The following GDAP1 variants were observed in gnomAD, a reference collection of about 807,000 sequenced individuals.
The protein encoded by GDAP1 is ganglioside-induced differentiation-associated protein 1.
GDAP1 carries 34 observed loss-of-function variants against 40.1 expected under a neutral mutation model. That is an observed-to-expected ratio of 0.85 (90% CI 0.64 to 1.13). The LOEUF (loss-of-function observed/expected upper bound fraction) is 1.13. Among genes scored for constraint, GDAP1 ranks in the 50% most tolerant of loss-of-function variants. GDAP1 has a pLI of 0.00. For missense variants in GDAP1, 374 were observed against 433.7 expected (o/e 0.86, Z 1.22); for synonymous variants, 170 against 157.4 (o/e 1.08, Z -0.60).
At chr8:74,464,718 A>G (rs892017509) in intron 2 of GDAP1, among the ~76,000 whole-genome samples, 1 of 152,184 alleles carries the variant, frequency 6.6e-6, no homozygotes, top group Non-Finnish European at 1.5e-5. Context: ...GAGTATTGCT[A>G]GAGATAAGAA....
intron 2 of GDAP1, among the ~76,000 whole-genome samples, chr8:74,390,840 C>T (rs550295821): frequency 5.9e-5 from 9 of 152,198 alleles, no homozygotes; most frequent in African/African-American, 1.4e-4. Context: ...TCTATAAGCC[C>T]GTTACTGGGG....
At chr8:74,473,301 T>C (rs1188971463) in intron 2 of GDAP1, among the ~76,000 whole-genome samples, 1 of 152,196 alleles carries the variant, frequency 6.6e-6, no homozygotes, top group African/African-American at 2.4e-5. Context: ...TTAGTTTAAT[T>C]AGATACCATT....
At position 74,364,019 on chromosome 8, in the gene GDAP1, C is replaced by T. The variant is rs1218677664; in HGVS notation, c.729C>T (p.Ser243=). 1 of 1,613,722 alleles carries T rather than the reference C, an allele frequency of 6.2e-7. No individual in the cohort carries two copies. Among genetic ancestry groups the T allele is most frequent in the Middle Eastern group, 1.6e-4 (1 of 6,062 alleles). Residue 243 remains serine (S), a synonymous_variant, in exon 6 of 6, where the codon TCC becomes TCT. Transcript: ENST00000220822. ...EGQQPWLCGE[S]FTLADVSLAV... ...AGCAACCTTGGCTCTGCGGTGAATCCTTCACCCTGGCAGACGTCTCACTCG... is the reference window on the plus strand; with the variant it reads ...AGCAACCTTGGCTCTGCGGTGAATCTTTCACCCTGGCAGACGTCTCACTCG...
intron 2 of GDAP1, among the ~76,000 whole-genome samples, chr8:74,462,497 C>T (rs1488072809): frequency 5.3e-5 from 8 of 152,182 alleles, no homozygotes; most frequent in Non-Finnish European, 1.2e-4. Context: ...AAAAATCGTT[C>T]ATTCCAGCTG....
intron 2 of GDAP1, among the ~76,000 whole-genome samples, chr8:74,425,364 C>CATTTAGCTGGGGTGGG: frequency 6.6e-6 from 1 of 152,140 alleles, no homozygotes. Flanking sequence ...AATGATGGTT[C>CATTTAGCTGGGGTGGG]ATTTAGCTGG....
chr8:74,391,325 A>T (rs1306531044), intron 2 of GDAP1, among the ~76,000 whole-genome samples: 1 of 152,030 alleles, frequency 6.6e-6, no homozygotes, highest in Admixed American at 6.5e-5. Context: ...CATCTGAGGG[A>T]TTCTCTTCAT....
At chr8:74,414,836 A>G (rs1225711966) in intron 2 of GDAP1, among the ~76,000 whole-genome samples, 2 of 149,976 alleles carry the variant, frequency 1.3e-5, no homozygotes, top group Admixed American at 6.6e-5. Context: ...AAGAAACTCC[A>G]TGAACCCCAA....
intron 2 of GDAP1, among the ~76,000 whole-genome samples, chr8:74,428,862 G>A (rs28493987): frequency 7.1e-5 from 8 of 112,962 alleles, no homozygotes; most frequent in South Asian, 6.8e-4. Flanking sequence ...ATCCCTCCCC[G>A]CCTCCCCCGA....
rs535407407 is a variant in GDAP1, at chr8:74,362,896, G to A, written c.580-43G>A. 18 of 787,280 alleles carry A rather than the reference G, an allele frequency of 2.3e-5. No homozygotes were observed. The South Asian group carries it at 2.4e-4, about 10-fold the overall frequency. 48.8% of individuals were successfully genotyped at this position (787,280 alleles called of 1,614,324 possible). On this transcript the variant is annotated intron_variant, in intron 4 of 5. Transcript: ENST00000220822. ...TTACCTAGATTTATTTTTTTTAAAG[G>A]TGCAAATAATATGTTTGGTTTCTTT...
intron 2 of GDAP1, among the ~76,000 whole-genome samples, chr8:74,354,227 C>T (rs1179366573): frequency 6.6e-6 from 1 of 152,152 alleles, no homozygotes; most frequent in African/African-American, 2.4e-5. Flanking sequence ...TTGAATTGTA[C>T]ACCACTGTAA....
intron 2 of GDAP1, among the ~76,000 whole-genome samples, chr8:74,356,127 C>G (rs953833476): frequency 1.1e-4 from 16 of 152,078 alleles, no homozygotes; most frequent in Non-Finnish European, 8.8e-5. Context: ...AGCACATATA[C>G]TGAAATTGCA....
At chr8:74,392,217 G>T (rs1470674779) in intron 2 of GDAP1, among the ~76,000 whole-genome samples, 1 of 152,144 alleles carries the variant, frequency 6.6e-6, no homozygotes, top group Non-Finnish European at 1.5e-5. Flanking sequence ...CTACCACTGT[G>T]TAACCTTACT....
chr8:74,474,173 CA>C (rs796234537), intron 2 of GDAP1, among the ~76,000 whole-genome samples: 41 of 152,264 alleles, frequency 2.7e-4, no homozygotes, highest in African/African-American at 9.1e-4. Flanking sequence ...AGTTTTTTAT[CA>C]GCTTTAGGAG....
chr8:74,410,029 G>A (rs948322815), intron 2 of GDAP1, among the ~76,000 whole-genome samples: 1 of 150,040 alleles, frequency 6.7e-6, no homozygotes, highest in African/African-American at 2.5e-5. Flanking sequence ...AACCCCTGGT[G>A]TTTCAGTAAC....
intron 2 of GDAP1, among the ~76,000 whole-genome samples, chr8:74,401,864 C>T (rs1275116891): frequency 6.7e-6 from 1 of 150,028 alleles, no homozygotes; most frequent in Non-Finnish European, 1.5e-5. Context: ...GTCTGCAGAA[C>T]AGCGGATTTT....
intron 2 of GDAP1, among the ~76,000 whole-genome samples, chr8:74,459,070 T>G (rs373771312): frequency 3.9e-5 from 6 of 152,288 alleles, no homozygotes; most frequent in African/African-American, 1.4e-4. Context: ...TAACTGGGTC[T>G]GATAGTGAAT....
intron 2 of GDAP1, among the ~76,000 whole-genome samples, chr8:74,404,988 A>C (rs11997090): frequency 0.49 from 73,232 of 149,424 alleles, 19,201 homozygotes; most frequent in Middle Eastern, 0.56. Context: ...ATACAATGTA[A>C]ATTATATTAT....
intron 2 of GDAP1, among the ~76,000 whole-genome samples, chr8:74,479,408 G>A (rs942551792): frequency 1.7e-4 from 26 of 151,810 alleles, no homozygotes; most frequent in African/African-American, 6.1e-4. Context: ...ACTGAGAAGT[G>A]GAAATTAAAA....
chr8:74,465,777 G>GT (rs34707830), intron 2 of GDAP1, among the ~76,000 whole-genome samples: 104 of 145,376 alleles, frequency 7.2e-4, no homozygotes, highest in Admixed American at 1.0e-3. Flanking sequence ...ATCACACCAA[G>GT]TTTTTTTTTT....
Sources: allele counts gnomAD v4.1 joint callset (sites outside exome capture counted in the v4.1 genomes callset), GRCh38; gene constraint gnomAD v4.1.1; transcripts MANE v1.5; gene names NCBI Gene and HGNC (gene_info 2026-07-23, HGNC 2026-07-21).